IRF8: variants seen among roughly 807,000 people sequenced by gnomAD.
IRF8 encodes the protein interferon consensus sequence binding protein 1.
IRF8 carries 14 observed loss-of-function variants against 48.7 expected under a neutral mutation model. That is an observed-to-expected ratio of 0.29 (90% CI 0.19 to 0.45). The LOEUF (loss-of-function observed/expected upper bound fraction) is 0.45, where lower values mean the gene tolerates loss of function less well. IRF8 is among the 20% of genes least tolerant of loss of function. IRF8 has a pLI of 1.00. For synonymous variants in IRF8, 278 were observed against 227.3 expected (o/e 1.22, Z -2.01); for missense variants, 493 against 580.7 (o/e 0.85, Z 1.55).
chr16:85,908,386 G>T (rs1458797632), intron 2 of IRF8, among the ~76,000 whole-genome samples: 1 of 151,952 alleles, frequency 6.6e-6, no homozygotes, highest in Non-Finnish European at 1.5e-5. Flanking sequence ...TCAGAAAACA[G>T]ATCTATTAAA....
chr16:85,919,590 C>T (rs8057456), intron 7 of IRF8, among the ~76,000 whole-genome samples: 61,145 of 152,080 alleles, frequency 0.4, 13,247 homozygotes, highest in East Asian at 0.75. Context: ...CACAGAAGTG[C>T]GTCCTGCAAT....
chr16:85,913,178 G>A lies in IRF8; in HGVS notation c.495G>A (p.Pro165=), dbSNP rs532341216. 9.3e-6 allele frequency: 15 copies of A among 1,614,192 alleles called. 1 individual carries two copies. Among genetic ancestry groups the A allele is most frequent in the Admixed American group, 5.0e-5 (3 of 60,030 alleles). ...GGATGATCAAAAGGAGCCCTTCCCC[G>A]CCGGAGGCCTGTCGGAGTCAGCTCC... ...YMGMIKRSPS[P]PEACRSQLLP... Residue 165 remains proline, a synonymous_variant, in exon 5 of 9, where the codon CCG becomes CCA. Transcript: ENST00000268638.
intron 3 of IRF8, 153 bp downstream of exon 3, chr16:85,909,326 ATC>A: frequency 1.4e-6 from 1 of 708,604 alleles, no homozygotes; most frequent in Non-Finnish European, 2.5e-6. Context: ...AGAAATTGAG[ATC>A]TCTTTCCAGT....
chr16:85,914,509 C>G lies in IRF8; in HGVS notation c.590C>G (p.Ala197Gly). The G allele has an allele frequency of 4.3e-6, 7 of 1,614,124 alleles. No homozygotes were observed. Among genetic ancestry groups the G allele is most frequent in the Non-Finnish European group, 5.9e-6 (7 of 1,180,020 alleles). ...GTGACGGGGTACACCACCTACGACGCGCACCATTCAGGTACGGGGTGGTCC... is the reference window on the plus strand; with the variant it reads ...GTGACGGGGTACACCACCTACGACGGGCACCATTCAGGTACGGGGTGGTCC... ...PLVTGYTTYDAHHSAFSQMVI... is the reference protein window; with the variant it reads ...PLVTGYTTYDGHHSAFSQMVI... Residue 197 changes from alanine to glycine, a missense_variant, in exon 6 of 9, where the codon GCG (alanine) becomes GGG (glycine). Physicochemically the swap from Ala to Gly is moderately conservative, Grantham distance 60 (BLOSUM62 0). Around this residue, in one of 3 missense-constraint regions of IRF8, gnomAD observed 408 missense variants for 449.6 expected, o/e 0.91. Transcript: ENST00000268638.
chr16:85,900,533 G>A (rs927574155), intron 1 of IRF8, among the ~76,000 whole-genome samples: 4 of 152,222 alleles, frequency 2.6e-5, no homozygotes, highest in African/African-American at 9.6e-5. Flanking sequence ...ACACACAGAC[G>A]TGGCTGCACA....
Position 85,909,082 on chromosome 16 carries a change from C to T in IRF8, c.267C>T (p.Ser89=), listed in dbSNP as rs757634544. 1 of 1,613,868 alleles carries T rather than the reference C, an allele frequency of 6.2e-7. No individual in the cohort carries two copies. Among genetic ancestry groups the T allele is most frequent in the African/African-American group, 1.3e-5 (1 of 74,906 alleles). ...KTRLRCALNK[S]PDFEEVTDRS... ...GGTTACGCTGTGCTTTGAATAAGAG[C>T]CCAGATTTTGAGGAAGTGACGGACC... is the stretch of plus-strand genomic sequence containing the variant. The change falls in exon 3 of 9, where the codon AGC becomes AGT. Residue 89 remains serine (S), a synonymous_variant. Coordinates refer to ENST00000268638, the MANE Select transcript of IRF8 (RefSeq NM_002163.4).
Position 85,909,107 on chromosome 16 carries a change from C to T in IRF8, c.292C>T (p.Arg98Trp), listed in dbSNP as rs756331900. The T allele has an allele frequency of 1.4e-5, 23 of 1,614,114 alleles. No homozygotes were observed. The highest frequency in any genetic ancestry group is 2.7e-5 in the African/African-American group (2 of 75,034). ...KSPDFEEVTD[R>W]SQLDISEPYK... ...CCCAGATTTTGAGGAAGTGACGGAC[C>T]GGTCCCAACTGGACATTTCCGAGCC... The change falls in exon 3 of 9, where the codon CGG (arginine) becomes TGG (tryptophan). Residue 98 changes from arginine (R) to tryptophan (W), a missense_variant. By Grantham distance (101) the Arg-to-Trp change is moderately radical. Transcript: ENST00000268638.
At chr16:85,901,386 G>A (rs1214280432) in intron 1 of IRF8, 2 of 152,260 alleles carry the variant, frequency 1.3e-5, no homozygotes, top group Non-Finnish European at 2.9e-5. Flanking sequence ...CAGCACTTTA[G>A]GAGGCTGATG....
intron 4 of IRF8, among the ~76,000 whole-genome samples, chr16:85,912,523 G>A (rs1045005400): frequency 4.6e-5 from 7 of 152,230 alleles, no homozygotes; most frequent in African/African-American, 1.7e-4. Context: ...TGTCTGGGTG[G>A]TCTTTGGCAG....
chr16:85,919,154 C>T (rs1056598260), intron 7 of IRF8, among the ~76,000 whole-genome samples: 3 of 152,154 alleles, frequency 2.0e-5, no homozygotes, highest in Non-Finnish European at 4.4e-5. Context: ...GTCTGAGGCC[C>T]TGCTCCAGCC....
rs1567474215 is a variant in IRF8 at position 85,913,115 on chromosome 16, T to A, written c.448-16T>A. ...AGTGACTGAGCTGCCCTCCTCTCCC[T>A]CCCCTGACTGTGCAGCCTTCTGTGG... On this transcript the variant is annotated splice_polypyrimidine_tract_variant and intron_variant, in intron 4 of 8. Coordinates refer to ENST00000268638, the MANE Select transcript of IRF8 (RefSeq NM_002163.4). 1 of 1,598,098 alleles carries A rather than the reference T, an allele frequency of 6.3e-7. No homozygotes were observed. Among genetic ancestry groups the A allele is most frequent in the Admixed American group, 1.7e-5 (1 of 60,024 alleles).
At chr16:85,906,352 G>T (rs1905001572) in intron 2 of IRF8, among the ~76,000 whole-genome samples, 1 of 152,126 alleles carries the variant, frequency 6.6e-6, no homozygotes, top group African/African-American at 2.4e-5. Context: ...GGGGTGGGGG[G>T]GCCCTGAAAT....
chr16:85,911,684 T>G, intron 4 of IRF8, 26 bp downstream of exon 4: 1 of 1,593,380 alleles, frequency 6.3e-7, no homozygotes, highest in Non-Finnish European at 8.6e-7. Flanking sequence ...ATTTCAGGGG[T>G]CTGGCCCTGC....
chr16:85,899,249 C>T (rs1331503077), intron 1 of IRF8, 26 bp downstream of exon 1: 1 of 152,216 alleles, frequency 6.6e-6, no homozygotes, highest in Non-Finnish European at 1.5e-5. Flanking sequence ...GGGTAGGGCG[C>T]CCGTGTCCCG....
chr16:85,910,851 A>G (rs1460987235), intron 3 of IRF8, among the ~76,000 whole-genome samples: 1 of 152,230 alleles, frequency 6.6e-6, no homozygotes, highest in Non-Finnish European at 1.5e-5. Flanking sequence ...ACAGTGGGTA[A>G]ATTCTGTAGG....
Position 85,903,113 on chromosome 16 carries a change from A to C in IRF8, c.98A>C (p.Lys33Thr). The C allele has an allele frequency of 6.2e-7, 1 of 1,614,166 alleles. No individual in the cohort carries two copies. Among genetic ancestry groups the C allele is most frequent in the Non-Finnish European group, 8.5e-7 (1 of 1,180,020 alleles). ...GGACTGATTTGGGAGAATGAGGAGAAGAGCATGTTCCGGATCCCTTGGAAA... is the reference window on the plus strand; with the variant it reads ...GGACTGATTTGGGAGAATGAGGAGACGAGCATGTTCCGGATCCCTTGGAAA... ...YPGLIWENEE[K>T]SMFRIPWKHA... is the part of the protein sequence containing the mutation. Residue 33 changes from lysine (K) to threonine (T), a missense_variant, in exon 2 of 9, where the codon AAG becomes ACG. This residue lies in a region of IRF8 where 54 missense variants were observed against 59.9 expected (regional missense o/e 0.90). Transcript: ENST00000268638.
At position 85,918,789 on chromosome 16, in the gene IRF8, G is replaced by T; in HGVS notation, c.974G>T (p.Ser325Ile). The T allele has an allele frequency of 6.2e-7, 1 of 1,609,436 alleles. No homozygotes were observed. ...RDEVVQVFDTSQFFRELQQFY... is the reference protein window; with the variant it reads ...RDEVVQVFDTIQFFRELQQFY... ...GAGGTGGTCCAGGTCTTCGACACCA[G>T]CCAGTTCTTCCGAGGTCTGTACCGT... Residue 325 changes from serine to isoleucine, a missense_variant, in exon 7 of 9, where the codon AGC (serine) becomes ATC (isoleucine). By Grantham distance (142) the Ser-to-Ile change is moderately radical (BLOSUM62 -2). Transcript: ENST00000268638.
intron 1 of IRF8, among the ~76,000 whole-genome samples, chr16:85,900,254 G>T (rs1249707497): frequency 1.3e-5 from 2 of 152,162 alleles, no homozygotes; most frequent in African/African-American, 4.8e-5. Flanking sequence ...ATCTGGATTA[G>T]GTGGGCCCAG....
intron 1 of IRF8, 104 bp from the exon 2 acceptor site, chr16:85,902,911 A>G (rs897970758): frequency 1.1e-5 from 14 of 1,267,972 alleles, no homozygotes; most frequent in Middle Eastern, 2.0e-4. Flanking sequence ...CCAAGCCAGC[A>G]CCTTTGCTGC....
Sources: allele counts gnomAD v4.1 joint callset (sites outside exome capture counted in the v4.1 genomes callset), GRCh38; gene constraint gnomAD v4.1.1; regional missense constraint gnomAD v4.1.1; transcripts MANE v1.5; gene names NCBI Gene and HGNC (gene_info 2026-07-23, HGNC 2026-07-21).